The following PCDH7 variants were observed in gnomAD, a reference collection of about 807,000 sequenced individuals.
The protein encoded by PCDH7 is protocadherin-7.
A neutral mutation model predicts 58.9 loss-of-function variants in PCDH7; 17 were observed. The observed-to-expected ratio is 0.29, with a 90% CI of 0.20 to 0.43. PCDH7 has a LOEUF of 0.43. Ranked by LOEUF, PCDH7 falls within the 20% of genes least tolerant of loss-of-function variation. PCDH7 has a pLI of 1.00. For synonymous variants in PCDH7, 664 were observed against 616.4 expected, an observed-to-expected ratio of 1.08 and a Z score of -1.14; for missense variants, 1,274 against 1,441.0, an observed-to-expected ratio of 0.88 and a Z score of 1.88.
chr4:30,732,342 T>A (rs1406312401), exon 2 of PCDH7: 1 of 152,172 alleles, frequency 6.6e-6, no homozygotes, highest in African/African-American at 2.4e-5. Flanking sequence ...CACTAGATAT[T>A]CTTCAAATGT....
In PCDH7 at chr4:30,807,316, A is replaced by G. The variant is rs542550480; in HGVS notation, c.70+82720A>G. ...AGCATAAACAATAAAATACAAAAAA[A>G]GACGTTGTCTTCCTTATATTCACTT... On this transcript the variant is annotated intron_variant, in intron 1 of 3. Coordinates refer to the PCDH7 transcript ENST00000509759. 2.0e-4 allele frequency among the ~76,000 whole-genome samples: 30 copies of G among 152,320 alleles called. No homozygotes were observed. The South Asian group carries it at 6.2e-3, about 32-fold the overall frequency.
At chr4:30,738,600 C>T (rs1259471541) in intron 1 of PCDH7, among the ~76,000 whole-genome samples, 1 of 152,068 alleles carries the variant, frequency 6.6e-6, no homozygotes, top group East Asian at 1.9e-4. Flanking sequence ...CTTAATTCTG[C>T]TAACCAATAA....
chr4:30,995,169 C>T (rs1378839060), intron 3 of PCDH7, among the ~76,000 whole-genome samples: 2 of 152,060 alleles, frequency 1.3e-5, no homozygotes, highest in Non-Finnish European at 2.9e-5. Flanking sequence ...TATATTTCTT[C>T]TATTGGTCGA....
intron 3 of PCDH7, among the ~76,000 whole-genome samples, chr4:31,134,139 G>A (rs150393951): frequency 2.6e-4 from 40 of 152,232 alleles, no homozygotes; most frequent in African/African-American, 8.9e-4. Context: ...ATATTGGTCA[G>A]TCTATTATCC....
chr4:30,960,309 CA>C (rs1179420053), intron 3 of PCDH7, among the ~76,000 whole-genome samples: 1 of 152,116 alleles, frequency 6.6e-6, no homozygotes, highest in Non-Finnish European at 1.5e-5. Context: ...CTCTTCGAGA[CA>C]TGCTTTTGGG....
Position 30,723,982 on chromosome 4 carries a change from G to A in PCDH7, c.2560G>A (p.Ala854Thr). 1.2e-6 allele frequency: 2 copies of A among 1,614,144 alleles called. No homozygotes were observed. The highest frequency in any genetic ancestry group is 1.7e-6 in the Non-Finnish European group (2 of 1,180,038). ...TGCAACTGCGATTGACTCCCAGATA[G>A]CTAGAAGTTTGCACATCCCACTCAC... Residue 854 changes from alanine to threonine, a missense_variant, in exon 1 of 2, where the codon GCT (alanine) becomes ACT (threonine). By Grantham distance (58) the Ala-to-Thr change is moderately conservative. Transcript: ENST00000361762. The surrounding 1 kb of genome is among the most constrained non-coding windows in gnomAD (Gnocchi z 4.6).
chr4:30,770,571 A>C (rs1721272703), intron 1 of PCDH7, among the ~76,000 whole-genome samples: 1 of 152,202 alleles, frequency 6.6e-6, no homozygotes, highest in African/African-American at 2.4e-5. Context: ...CATTCACTGC[A>C]GTAACAGTAA....
intron 1 of PCDH7, among the ~76,000 whole-genome samples, chr4:30,866,392 G>A (rs1338315787): frequency 1.3e-5 from 2 of 152,080 alleles, no homozygotes; most frequent in Non-Finnish European, 2.9e-5. Context: ...TAGTCAGCTT[G>A]TGTAGCAAAG....
chr4:30,793,232 G>T (rs1296419950), intron 1 of PCDH7, among the ~76,000 whole-genome samples: 1 of 152,100 alleles, frequency 6.6e-6, no homozygotes, highest in African/African-American at 2.4e-5. Context: ...GGCAAACACA[G>T]AATCTTTTTA....
At chr4:30,792,451 A>T (rs1212101062) in intron 1 of PCDH7, among the ~76,000 whole-genome samples, 1 of 152,182 alleles carries the variant, frequency 6.6e-6, no homozygotes, top group Non-Finnish European at 1.5e-5. Context: ...TAATTTTTAC[A>T]GATTTTATGG....
At chr4:30,876,590 G>A (rs527609958) in intron 1 of PCDH7, among the ~76,000 whole-genome samples, 1 of 152,020 alleles carries the variant, frequency 6.6e-6, no homozygotes, top group Non-Finnish European at 1.5e-5. Flanking sequence ...TGTTTATTAA[G>A]ACTTTTAGTT....
rs534004668 is a variant in PCDH7, at chr4:31,032,558, A to G, written c.*7+82343A>G. Among the ~76,000 whole-genome samples the G allele has an allele frequency of 1.9e-4, 29 of 150,246 alleles. No individual in the cohort carries two copies. The South Asian group carries it at 4.9e-3, about 26-fold the overall frequency. On this transcript the variant is annotated intron_variant, in intron 3 of 3. Transcript: ENST00000509759. ...AGGAGGTGGAGGTTTCAGTGAGCCG[A>G]GAATGTGCCACTGCACTCCAGCCTG...
At chr4:30,889,776 C>T (rs1035183662) in intron 1 of PCDH7, among the ~76,000 whole-genome samples, 1 of 152,144 alleles carries the variant, frequency 6.6e-6, no homozygotes, top group Non-Finnish European at 1.5e-5. Context: ...TCCTCGTGAC[C>T]TAATCATCTC....
intron 1 of PCDH7, among the ~76,000 whole-genome samples, chr4:30,794,986 T>A (rs1252910273): frequency 6.6e-6 from 1 of 152,166 alleles, no homozygotes; most frequent in Admixed American, 6.5e-5. Flanking sequence ...TTATTGAGTA[T>A]TTAAATTACT....
At chr4:31,001,127 G>T (rs1307222322) in intron 3 of PCDH7, among the ~76,000 whole-genome samples, 2 of 151,882 alleles carry the variant, frequency 1.3e-5, no homozygotes, top group African/African-American at 4.8e-5. Flanking sequence ...GGCTACATAT[G>T]CAATCATCTG....
At chr4:30,915,299 ATCT>A (rs1742301161) in intron 1 of PCDH7, among the ~76,000 whole-genome samples, 1 of 152,164 alleles carries the variant, frequency 6.6e-6, no homozygotes, top group South Asian at 2.1e-4. Flanking sequence ...TGACAAGCCA[ATCT>A]TCTACTTCTT....
At chr4:30,897,832 T>C (rs1477665993) in intron 1 of PCDH7, among the ~76,000 whole-genome samples, 1 of 152,222 alleles carries the variant, frequency 6.6e-6, no homozygotes, top group South Asian at 2.1e-4. Flanking sequence ...AAATTGCTTT[T>C]AGTTTTATTT....
intron 3 of PCDH7, among the ~76,000 whole-genome samples, chr4:31,040,379 C>A (rs1196066491): frequency 1.3e-5 from 2 of 152,144 alleles, no homozygotes; most frequent in Non-Finnish European, 2.9e-5. Context: ...TAAACTTTAT[C>A]TGGCTCCTTT....
intron 1 of PCDH7, among the ~76,000 whole-genome samples, chr4:30,852,829 G>GAAAAAAAAAAAAAAA (rs58210433): frequency 1.3e-5 from 1 of 74,608 alleles, no homozygotes. Context: ...TCAAGCACAG[G>GAAAAAAAAAAAAAAA]AAAAAAAAAA....
Sources: gnomAD v4.1 joint callset for allele counts (sites outside exome capture counted in the v4.1 genomes callset) on GRCh38, gnomAD v4.1.1 for gene constraint, Gnocchi (gnomAD v3.1) non-coding constraint, MANE v1.5 for transcripts, NCBI Gene and HGNC (gene_info 2026-07-23, HGNC 2026-07-21) for gene names.